SS18L1: variants seen among roughly 807,000 people sequenced by gnomAD.
The protein encoded by SS18L1 is SS18L1 subunit of BAF chromatin remodeling complex.
In SS18L1, 32 loss-of-function variants were observed where a neutral mutation model predicts 70.3. The ratio of observed to expected loss-of-function variants is 0.46; its 90% CI spans 0.34 to 0.61. SS18L1 has a LOEUF of 0.61. Ranked by LOEUF, SS18L1 falls within the 20% of genes least tolerant of loss-of-function variation. The pLI, the probability that SS18L1 is intolerant of heterozygous loss-of-function variation, is 0.01. For missense variants in SS18L1, 430 were observed against 542.1 expected, an observed-to-expected ratio of 0.79 and a Z score of 2.05; for synonymous variants, 237 against 229.7, an observed-to-expected ratio of 1.03 and a Z score of -0.29.
chr20:62,150,633 A>AATTTTTTTTTTTTTTTTTTTTTTTT (rs1199902967), intron 1 of SS18L1, among the ~76,000 whole-genome samples: 1 of 58,030 alleles, frequency 1.7e-5, no homozygotes, highest in Non-Finnish European at 3.5e-5. Flanking sequence ...ATTGAGGTGG[A>AATTTTTTTTTTTTTTTTTTTTTTTT]TTTTTTTTTT....
Position 62,179,311 on chromosome 20 carries a change from C to T in SS18L1, c.*103C>T, listed in dbSNP as rs2057673687. Reference sequence around the variant, plus strand: ...AATTGTGACATGTTGGTTACCTGTTCGCCCAGTGCCACGTCTGCATGTGAA... The same window carrying T: ...AATTGTGACATGTTGGTTACCTGTTTGCCCAGTGCCACGTCTGCATGTGAA... On this transcript the variant is annotated 3_prime_UTR_variant, in exon 11 of 11. Coordinates refer to ENST00000331758, the MANE Select transcript of SS18L1 (RefSeq NM_198935.3). 4.6e-6 allele frequency: 6 copies of T among 1,313,176 alleles called. No individual in the cohort carries two copies. Among genetic ancestry groups the T allele is most frequent in the South Asian group, 1.2e-5 (1 of 83,242 alleles). 81.3% of individuals were successfully genotyped at this position (1,313,176 alleles called of 1,614,324 possible). A position where few individuals can be genotyped will look rare whatever the true frequency, so the allele number is the denominator to read the frequency against.
Position 62,159,470 on chromosome 20 carries a change from G to C in SS18L1, c.147-407G>C, listed in dbSNP as rs1601013209. Reference sequence around the variant, plus strand: ...CCATTTCTTTCCAGGGCTTTCTCAGGGTCGTTGGCTCTATGGAGTCCGCCC... The same window carrying C: ...CCATTTCTTTCCAGGGCTTTCTCAGCGTCGTTGGCTCTATGGAGTCCGCCC... On this transcript the variant is annotated intron_variant, in intron 2 of 10. Transcript: ENST00000331758. This position sits in a 1 kb window ranked among gnomAD's most constrained non-coding sequence, Gnocchi z 4.4. Among the ~76,000 whole-genome samples, 1 of 152,136 alleles carries C rather than the reference G, an allele frequency of 6.6e-6. No individual in the cohort carries two copies. The highest frequency in any genetic ancestry group is 2.4e-5 in the African/African-American group (1 of 41,426).
chr20:62,172,436 C>T (rs1475367992), intron 8 of SS18L1, among the ~76,000 whole-genome samples: 1 of 152,168 alleles, frequency 6.6e-6, no homozygotes, highest in Non-Finnish European at 1.5e-5. Context: ...GCACATTTGA[C>T]CCGCGACGCT....
intron 8 of SS18L1, among the ~76,000 whole-genome samples, chr20:62,170,835 T>C (rs2057518755): frequency 6.6e-6 from 1 of 151,962 alleles, no homozygotes; most frequent in East Asian, 1.9e-4. Flanking sequence ...TCACAGTTGT[T>C]GCATACCTGC....
chr20:62,169,540 A>G (rs1481813528), intron 8 of SS18L1, among the ~76,000 whole-genome samples: 1 of 152,122 alleles, frequency 6.6e-6, no homozygotes, highest in Non-Finnish European at 1.5e-5. Context: ...GCACTCTGGG[A>G]GGCTGAGGCG....
At chr20:62,175,760 T>C (rs370098252) in intron 10 of SS18L1, among the ~76,000 whole-genome samples, 19 of 151,922 alleles carry the variant, frequency 1.3e-4, no homozygotes, top group Middle Eastern at 3.2e-3. Context: ...TCGTCCTCCT[T>C]CTTCAAGAGG....
intron 4 of SS18L1, among the ~76,000 whole-genome samples, chr20:62,162,111 T>C (rs560280553): frequency 1.3e-5 from 2 of 152,238 alleles, no homozygotes; most frequent in East Asian, 3.9e-4. Context: ...GTCCAAACTG[T>C]TAAATACTCG....
intron 1 of SS18L1, among the ~76,000 whole-genome samples, chr20:62,145,910 G>C (rs375278854): frequency 6.6e-6 from 1 of 152,230 alleles, no homozygotes. Flanking sequence ...GTCATGCCGA[G>C]AGCTTTAAGA....
rs2057576736 is a variant in SS18L1, at chr20:62,174,012, C to CA, written c.1037-505_1037-504insA. Among the ~76,000 whole-genome samples, 3 of 149,638 alleles carry CA rather than the reference C, an allele frequency of 2.0e-5. No individual in the cohort carries two copies. The highest frequency in any genetic ancestry group is 7.4e-5 in the African/African-American group (3 of 40,532). On this transcript the variant is annotated intron_variant, in intron 9 of 10. Transcript: ENST00000331758. The surrounding 1 kb of genome is among the most constrained non-coding windows in gnomAD (Gnocchi z 4.1). ...CTGGCTTGGGTGACAGAGTGACACC[C>CA]TGCCTAAAAAAAAAAAAAAAAATTG...
At chr20:62,147,388 G>A (rs2057050705) in intron 1 of SS18L1, among the ~76,000 whole-genome samples, 1 of 152,170 alleles carries the variant, frequency 6.6e-6, no homozygotes, top group Non-Finnish European at 1.5e-5. Flanking sequence ...CTAGCCACCA[G>A]CTGGGGACTG....
At chr20:62,172,572 A>C in intron 8 of SS18L1, 110 bp from the exon 9 acceptor site, 2 of 1,507,862 alleles carry the variant, frequency 1.3e-6, no homozygotes, top group Non-Finnish European at 1.8e-6. Flanking sequence ...ATGCCGAAGC[A>C]ATGGATTTGG....
At chr20:62,153,991 G>T (rs1414296834) in intron 1 of SS18L1, among the ~76,000 whole-genome samples, 1 of 152,200 alleles carries the variant, frequency 6.6e-6, no homozygotes, top group South Asian at 2.1e-4. Flanking sequence ...CTGTGGACAC[G>T]TGTTATTCTT....
rs920366863 is a variant in SS18L1, at chr20:62,182,319, C to T, written c.*3111C>T. The T allele has an allele frequency of 9.4e-6, 2 of 213,652 alleles. No homozygotes were observed. Among genetic ancestry groups the T allele is most frequent in the Non-Finnish European group, 1.9e-5 (2 of 105,904 alleles). 13.2% of individuals were successfully genotyped at this position (213,652 alleles called of 1,614,324 possible). A position where few individuals can be genotyped will look rare whatever the true frequency, so the allele number is the denominator to read the frequency against. On this transcript the variant is annotated 3_prime_UTR_variant, in exon 11 of 11. Transcript: ENST00000331758. ...TCCATTTCCATTTAAACATTTTTAGCCACTTCATTTCTATTTATTGAACAG... is the reference window on the plus strand; with the variant it reads ...TCCATTTCCATTTAAACATTTTTAGTCACTTCATTTCTATTTATTGAACAG...
In SS18L1 at chr20:62,179,272, C is replaced by T. The variant is rs542240616; in HGVS notation, c.*64C>T. On this transcript the variant is annotated 3_prime_UTR_variant, in exon 11 of 11. Coordinates refer to ENST00000331758, the MANE Select transcript of SS18L1 (RefSeq NM_198935.3). ...TTCATCCAGGGGCCGGATGGGCTGG[C>T]GGCAGCTCTGGTGAATTGTGACATG... 2.5e-5 allele frequency: 40 copies of T among 1,584,712 alleles called. No individual in the cohort carries two copies. The highest frequency in any genetic ancestry group is 1.1e-4 in the East Asian group (5 of 44,736).
chr20:62,157,032 C>A (rs961849337), intron 1 of SS18L1, among the ~76,000 whole-genome samples: 1 of 151,374 alleles, frequency 6.6e-6, no homozygotes, highest in South Asian at 2.1e-4. Flanking sequence ...TTCTCAGTCC[C>A]CTCCCATACC....
At chr20:62,146,552 G>C (rs368934229) in intron 1 of SS18L1, among the ~76,000 whole-genome samples, 1 of 151,362 alleles carries the variant, frequency 6.6e-6, no homozygotes, top group South Asian at 2.1e-4. Flanking sequence ...ACTGCGGGCA[G>C]CCCTTGGTGT....
At chr20:62,144,786 A>G (rs1399035846) in intron 1 of SS18L1, among the ~76,000 whole-genome samples, 1 of 152,254 alleles carries the variant, frequency 6.6e-6, no homozygotes, top group East Asian at 1.9e-4. Context: ...AATCAGCATT[A>G]GCCATACCCG....
intron 10 of SS18L1, among the ~76,000 whole-genome samples, chr20:62,177,082 C>G (rs913957028): frequency 1.3e-5 from 2 of 152,148 alleles, no homozygotes. Context: ...GTCAGATGCC[C>G]CAGGGGCAAA....
chr20:62,154,494 C>T lies in SS18L1; in HGVS notation c.70-4178C>T, dbSNP rs550074723. 5,834 of 1,021,692 alleles carry T rather than the reference C, an allele frequency of 5.7e-3. 25 individuals carry two copies. The highest frequency in any genetic ancestry group is 6.3e-3 in the Non-Finnish European group (5,358 of 851,438). 63.3% of individuals were successfully genotyped at this position (1,021,692 alleles called of 1,614,324 possible). On this transcript the variant is annotated intron_variant, in intron 1 of 10. Coordinates refer to ENST00000331758, the MANE Select transcript of SS18L1 (RefSeq NM_198935.3). The stretch of plus-strand genomic sequence containing the variant: ...AGTTCATCTCTCCTCCAGAGCCTCC[C>T]TCAGGCCAGGCCATCGGCCCCCCAG...
Sources: gnomAD v4.1 joint callset for allele counts (sites outside exome capture counted in the v4.1 genomes callset) on GRCh38, gnomAD v4.1.1 for gene constraint, Gnocchi (gnomAD v3.1) non-coding constraint, MANE v1.5 for transcripts, NCBI Gene and HGNC (gene_info 2026-07-23, HGNC 2026-07-21) for gene names.